Variants in RPS6KA2 observed in about 807,000 individuals in gnomAD.
RPS6KA2 encodes ribosomal protein S6 kinase A2, also known as ribosomal protein S6 kinase alpha-2.
A neutral mutation model predicts 91.8 loss-of-function variants in RPS6KA2; 42 were observed. The observed-to-expected ratio is 0.46, with a 90% CI of 0.36 to 0.59. The LOEUF is 0.59. RPS6KA2 is among the 20% of genes least tolerant of loss of function. The probability of loss-of-function intolerance (pLI) is 0.00; values close to 1 mark genes in which losing one functional copy is unlikely to be tolerated. For missense variants in RPS6KA2, 798 were observed against 978.5 expected (o/e 0.82, Z 2.46); for synonymous variants, 414 against 393.6 (o/e 1.05, Z -0.61).
chr6:166,566,016 T>A (rs1039137060), intron 1 of RPS6KA2, among the ~76,000 whole-genome samples: 1 of 152,180 alleles, frequency 6.6e-6, no homozygotes, highest in Non-Finnish European at 1.5e-5. Context: ...AAGAGACACA[T>A]GAAACTTGGG....
In RPS6KA2 at chr6:166,732,711, G is replaced by A. The variant is rs907493241; in HGVS notation, c.123+125489C>T. On this transcript the variant is annotated intron_variant, in intron 2 of 21. Transcript: ENST00000503859. This position sits in a 1 kb window ranked among gnomAD's most constrained non-coding sequence, Gnocchi z 4.0. ...GGAGCTCCCACAGATGATGTTAGGTGCAGAGATGGGGGTGCACCCAGGGCA... is the reference window on the plus strand; with the variant it reads ...GGAGCTCCCACAGATGATGTTAGGTACAGAGATGGGGGTGCACCCAGGGCA... 2.0e-5 allele frequency among the ~76,000 whole-genome samples: 3 copies of A among 152,212 alleles called. No homozygotes were observed. Among genetic ancestry groups the A allele is most frequent in the African/African-American group, 7.2e-5 (3 of 41,448 alleles).
At chr6:166,562,888 G>C (rs950035811) in intron 1 of RPS6KA2, among the ~76,000 whole-genome samples, 9 of 152,192 alleles carry the variant, frequency 5.9e-5, no homozygotes, top group African/African-American at 2.2e-4. Flanking sequence ...TCCAGAAGTT[G>C]GGGGTGCAGG....
At chr6:166,721,251 G>T (rs960587124) in intron 2 of RPS6KA2, among the ~76,000 whole-genome samples, 2 of 152,178 alleles carry the variant, frequency 1.3e-5, no homozygotes, top group African/African-American at 4.8e-5. Context: ...GCGACTGAGG[G>T]TCTCCTCTGC....
At chr6:166,497,253 TGAGCTCGC>T (rs1781820134) in intron 8 of RPS6KA2, among the ~76,000 whole-genome samples, 1 of 152,248 alleles carries the variant, frequency 6.6e-6, no homozygotes, top group South Asian at 2.1e-4. Flanking sequence ...TCCTCTTGGC[TGAGCTCGC>T]GGGCCCCTTG....
At chr6:166,560,937 G>GTT (rs34982304) in intron 1 of RPS6KA2, among the ~76,000 whole-genome samples, 1 of 148,672 alleles carries the variant, frequency 6.7e-6, no homozygotes, top group Non-Finnish European at 1.5e-5. Flanking sequence ...CCAACATGGT[G>GTT]TTTTTTTTTT....
At chr6:166,562,094 T>C (rs1784362430) in intron 1 of RPS6KA2, among the ~76,000 whole-genome samples, 2 of 152,090 alleles carry the variant, frequency 1.3e-5, no homozygotes, top group African/African-American at 4.8e-5. Context: ...CCCTGGATAT[T>C]TTCAGAGTCC....
chr6:166,680,315 A>G (rs769199768), intron 2 of RPS6KA2, among the ~76,000 whole-genome samples: 55 of 152,190 alleles, frequency 3.6e-4, no homozygotes, highest in Non-Finnish European at 6.5e-4. Context: ...CTCTCTGTAA[A>G]ACGGACCAAT....
chr6:166,634,465 C>T (rs986219805), intron 2 of RPS6KA2, among the ~76,000 whole-genome samples: 1 of 152,184 alleles, frequency 6.6e-6, no homozygotes, highest in African/African-American at 2.4e-5. Flanking sequence ...AAATCGAAAT[C>T]GCTGAGCTTT....
chr6:166,745,320 T>C (rs1394110350), intron 2 of RPS6KA2, among the ~76,000 whole-genome samples: 1 of 151,934 alleles, frequency 6.6e-6, no homozygotes, highest in African/African-American at 2.4e-5. Context: ...CCTGGCTAAT[T>C]TTTGTATTTT....
Position 166,603,794 on chromosome 6 carries a change from GC to G in RPS6KA2, c.99+23126del, listed in dbSNP as rs1051400647. Among the ~76,000 whole-genome samples the G allele has an allele frequency of 1.3e-5, 2 of 152,210 alleles. No individual in the cohort carries two copies. Among genetic ancestry groups the G allele is most frequent in the Non-Finnish European group, 2.9e-5 (2 of 68,030 alleles). On this transcript the variant is annotated intron_variant, in intron 1 of 20. Transcript: ENST00000265678. The surrounding 1 kb of genome is among the most constrained non-coding windows in gnomAD (Gnocchi z 4.3). ...TGTGGCCCAGGTGTATCAAATAAAT[GC>G]CCCCGTACTGTTGTTTGCGATAACA...
chr6:166,487,337 C>T (rs561387591), intron 10 of RPS6KA2, among the ~76,000 whole-genome samples: 6 of 152,144 alleles, frequency 3.9e-5, no homozygotes, highest in Admixed American at 2.0e-4. Context: ...GGGAGCTCAC[C>T]GTGTCACCTG....
In RPS6KA2 at chr6:166,490,906, T is replaced by A. The variant is rs1781566700; in HGVS notation, c.748-165A>T. ...TACGTGCTTGGGGTACAACAGTGACTAAAACTGCCTCGCAGAGCTTGCCAT... is the reference window on the plus strand; with the variant it reads ...TACGTGCTTGGGGTACAACAGTGACAAAAACTGCCTCGCAGAGCTTGCCAT... On this transcript the variant is annotated intron_variant, in intron 8 of 20. Coordinates refer to ENST00000265678, the MANE Select transcript of RPS6KA2 (RefSeq NM_021135.6). The surrounding 1 kb of genome is among the most constrained non-coding windows in gnomAD (Gnocchi z 4.2). Among the ~76,000 whole-genome samples the A allele has an allele frequency of 6.6e-6, 1 of 152,252 alleles. No individual in the cohort carries two copies. Among genetic ancestry groups the A allele is most frequent in the Non-Finnish European group, 1.5e-5 (1 of 68,046 alleles).
At chr6:166,762,812 C>T (rs1044391968) in intron 2 of RPS6KA2, among the ~76,000 whole-genome samples, 5 of 152,174 alleles carry the variant, frequency 3.3e-5, no homozygotes, top group Non-Finnish European at 5.9e-5. Context: ...CCTTGCACCA[C>T]GAGATTTGAG....
chr6:166,451,332 CGTGTGTGTGT>C (rs10663984), intron 12 of RPS6KA2, 99 bp from the exon 13 acceptor site: 22 of 921,538 alleles, frequency 2.4e-5, no homozygotes, highest in South Asian at 2.1e-4. Context: ...TGTGCAAGTC[CGTGTGTGTGT>C]GTGTGTGTGT....
At chr6:166,656,220 C>A (rs1562367167) in intron 2 of RPS6KA2, among the ~76,000 whole-genome samples, 1 of 151,988 alleles carries the variant, frequency 6.6e-6, no homozygotes, top group African/African-American at 2.4e-5. Flanking sequence ...ATAAAGAAAA[C>A]AAGGAAATCA....
At chr6:166,755,984 T>C (rs1020778292) in intron 2 of RPS6KA2, among the ~76,000 whole-genome samples, 5 of 152,118 alleles carry the variant, frequency 3.3e-5, no homozygotes, top group African/African-American at 1.2e-4. Flanking sequence ...TATATAATTA[T>C]TTAAAATAAT....
At chr6:166,765,169 C>T (rs1216538692) in intron 2 of RPS6KA2, among the ~76,000 whole-genome samples, 1 of 133,186 alleles carries the variant, frequency 7.5e-6, no homozygotes, top group African/African-American at 3.3e-5. Context: ...TGAGCCTCCA[C>T]GTGGCCAGCC....
At chr6:166,842,907 T>A (rs1437208283) in intron 2 of RPS6KA2, among the ~76,000 whole-genome samples, 2 of 152,016 alleles carry the variant, frequency 1.3e-5, no homozygotes, top group Non-Finnish European at 2.9e-5. Context: ...CACGGACCCT[T>A]TGAAGGAACT....
intron 2 of RPS6KA2, among the ~76,000 whole-genome samples, chr6:166,822,058 C>T (rs1779918470): frequency 6.6e-6 from 1 of 152,212 alleles, no homozygotes. Context: ...GCTCGCGCCA[C>T]CACCATCCCT....
Sources: gnomAD v4.1 joint callset for allele counts (sites outside exome capture counted in the v4.1 genomes callset) on GRCh38, gnomAD v4.1.1 for gene constraint, Gnocchi (gnomAD v3.1) non-coding constraint, MANE v1.5 for transcripts, NCBI Gene and HGNC (gene_info 2026-07-23, HGNC 2026-07-21) for gene names.